The following TMEM117 variants were observed in gnomAD, a reference collection of about 807,000 sequenced individuals.
TMEM117 encodes transmembrane protein 117.
Under a neutral mutation model 52.4 loss-of-function variants are expected in TMEM117, and 27 were observed. That is an observed-to-expected ratio of 0.51 (90% CI 0.38 to 0.71). The LOEUF (loss-of-function observed/expected upper bound fraction) is 0.71. TMEM117 is among the 30% of genes least tolerant of loss of function. TMEM117 has a pLI of 0.00. For missense variants in TMEM117, 556 were observed against 630.5 expected, an observed-to-expected ratio of 0.88 and a Z score of 1.26; for synonymous variants, 215 against 206.3, an observed-to-expected ratio of 1.04 and a Z score of -0.36.
At chr12:43,883,748 T>G (rs1943938305) in intron 2 of TMEM117, among the ~76,000 whole-genome samples, 1 of 146,326 alleles carries the variant, frequency 6.8e-6, no homozygotes, top group Admixed American at 6.9e-5. Context: ...CCATTCTTTC[T>G]TTGTATGAAA....
At chr12:44,380,922 A>G (rs971279996) in intron 7 of TMEM117, among the ~76,000 whole-genome samples, 13 of 152,278 alleles carry the variant, frequency 8.5e-5, no homozygotes, top group African/African-American at 2.6e-4. Context: ...CTCTCTCCCA[A>G]TGAAATATTC....
intron 3 of TMEM117, among the ~76,000 whole-genome samples, chr12:44,010,973 C>G (rs183042610): frequency 1.3e-5 from 2 of 152,184 alleles, no homozygotes; most frequent in South Asian, 4.1e-4. Context: ...TGTTCCTTCA[C>G]AATGCTCTCC....
At chr12:44,226,501 A>ATGTGTGTGTGTG (rs56709250) in intron 5 of TMEM117, among the ~76,000 whole-genome samples, 9,132 of 149,208 alleles carry the variant, frequency 0.061, 363 homozygotes, top group Middle Eastern at 0.13. Context: ...AAATATATAT[A>ATGTGTGTGTGTG]TGTGTGTGTG....
intron 3 of TMEM117, among the ~76,000 whole-genome samples, chr12:44,090,232 C>G (rs951607310): frequency 1.3e-5 from 2 of 151,788 alleles, no homozygotes; most frequent in Non-Finnish European, 2.9e-5. Flanking sequence ...AGGATTGTTA[C>G]GTGTGTGATG....
intron 5 of TMEM117, among the ~76,000 whole-genome samples, chr12:44,238,042 A>G (rs1005223515): frequency 1.3e-5 from 2 of 152,202 alleles, no homozygotes; most frequent in Admixed American, 1.3e-4. Flanking sequence ...GAGAAAAAAG[A>G]GCCATGAAAG....
At chr12:43,880,084 C>T (rs544784556) in intron 2 of TMEM117, among the ~76,000 whole-genome samples, 1 of 152,296 alleles carries the variant, frequency 6.6e-6, no homozygotes, top group African/African-American at 2.4e-5. Context: ...TTCCCTATTT[C>T]ATCAACTTTT....
At chr12:44,230,377 G>A (rs774108169) in intron 5 of TMEM117, among the ~76,000 whole-genome samples, 3 of 151,836 alleles carry the variant, frequency 2.0e-5, no homozygotes, top group Non-Finnish European at 4.4e-5. Context: ...CTCTGAAATG[G>A]CAATGTCATT....
At chr12:43,935,000 GT>G (rs958086866) in intron 2 of TMEM117, among the ~76,000 whole-genome samples, 2 of 151,844 alleles carry the variant, frequency 1.3e-5, no homozygotes, top group African/African-American at 4.8e-5. Flanking sequence ...TTCTGTTACC[GT>G]TTTTTATTTT....
At chr12:44,301,737 A>G (rs1950842683) in intron 6 of TMEM117, among the ~76,000 whole-genome samples, 1 of 152,132 alleles carries the variant, frequency 6.6e-6, no homozygotes, top group Non-Finnish European at 1.5e-5. Flanking sequence ...CTTATTGTAA[A>G]ATGGCCTTTC....
rs139415925 is a variant in TMEM117, at chr12:44,252,032, C to T, written c.608+40645C>T. 4.4e-3 allele frequency among the ~76,000 whole-genome samples: 676 copies of T among 152,242 alleles called. 2 individuals are homozygous for T. Among genetic ancestry groups the T allele is most frequent in the Middle Eastern group, 0.014 (4 of 294 alleles). ...CAAGGCTTTACAGCATCTAGCTCAT[C>T]CTTCATTGCTAGCCTTTTTTCGTCT... is the stretch of plus-strand genomic sequence containing the variant. On this transcript the variant is annotated intron_variant, in intron 5 of 7. Coordinates refer to ENST00000266534, the MANE Select transcript of TMEM117 (RefSeq NM_032256.3).
intron 5 of TMEM117, among the ~76,000 whole-genome samples, chr12:44,285,990 G>A (rs144920157): frequency 7.2e-5 from 11 of 152,038 alleles, no homozygotes; most frequent in African/African-American, 2.4e-4. Context: ...CATGTATTTA[G>A]CATTTTCATA....
intron 5 of TMEM117, among the ~76,000 whole-genome samples, chr12:44,223,620 C>G (rs1949819838): frequency 6.6e-6 from 1 of 152,156 alleles, no homozygotes; most frequent in Non-Finnish European, 1.5e-5. Flanking sequence ...TTGGCACTTC[C>G]TTTGCTCCTA....
chr12:44,397,250 T>TTTC, the TMEM117 span, among the ~76,000 whole-genome samples: 1 of 152,188 alleles, frequency 6.6e-6, no homozygotes. Context: ...GACTCTTCAG[T>TTTC]TTCTTCTTCT....
At chr12:44,000,371 T>C (rs965671205) in intron 3 of TMEM117, among the ~76,000 whole-genome samples, 1 of 152,148 alleles carries the variant, frequency 6.6e-6, no homozygotes, top group Non-Finnish European at 1.5e-5. Context: ...CTTTGTGTAC[T>C]CCCAGAGGCA....
intron 4 of TMEM117, among the ~76,000 whole-genome samples, chr12:44,172,490 T>G (rs557685419): frequency 6.6e-6 from 1 of 152,320 alleles, no homozygotes; most frequent in East Asian, 1.9e-4. Context: ...TGAATCGCTC[T>G]CCTCTTCCTA....
intron 6 of TMEM117, among the ~76,000 whole-genome samples, chr12:44,347,929 C>T (rs997677677): frequency 6.6e-5 from 10 of 152,110 alleles, no homozygotes; most frequent in African/African-American, 2.4e-4. Context: ...GAAAGTGGAA[C>T]CCAGTGAGTC....
At chr12:44,017,391 A>G (rs1357805580) in intron 3 of TMEM117, among the ~76,000 whole-genome samples, 2 of 147,924 alleles carry the variant, frequency 1.4e-5, no homozygotes, top group Non-Finnish European at 3.0e-5. Flanking sequence ...CCAAAAAAGG[A>G]AAAACCCCAA....
chr12:44,195,443 C>G (rs2138353523), intron 4 of TMEM117, among the ~76,000 whole-genome samples: 1 of 152,198 alleles, frequency 6.6e-6, no homozygotes, highest in Non-Finnish European at 1.5e-5. Context: ...TGCTGCTCAT[C>G]ATAGTCACAG....
intron 3 of TMEM117, among the ~76,000 whole-genome samples, chr12:44,115,897 C>G (rs966854277): frequency 2.0e-5 from 3 of 152,162 alleles, no homozygotes; most frequent in Non-Finnish European, 2.9e-5. Context: ...CTACTAGAAA[C>G]ACGATCGTGT....
Sources: allele counts gnomAD v4.1 joint callset (sites outside exome capture counted in the v4.1 genomes callset), GRCh38; gene constraint gnomAD v4.1.1; transcripts MANE v1.5; gene names NCBI Gene and HGNC (gene_info 2026-07-23, HGNC 2026-07-21).